Variants in ARSG observed in about 807,000 individuals in gnomAD.
The protein encoded by ARSG is arylsulfatase G.
A neutral mutation model predicts 50.5 loss-of-function variants in ARSG; 37 were observed. The ratio of observed to expected loss-of-function variants is 0.73; its 90% CI spans 0.56 to 0.96. ARSG has a LOEUF of 0.96. ARSG is among the 50% of genes least tolerant of loss of function. The pLI is 0.00. For synonymous variants in ARSG, 225 were observed against 254.6 expected (o/e 0.88, Z 1.11); for missense variants, 629 against 675.3 (o/e 0.93, Z 0.76).
At chr17:68,445,857 G>A in the ARSG span, among the ~76,000 whole-genome samples, 1 of 152,224 alleles carries the variant, frequency 6.6e-6, no homozygotes, top group South Asian at 2.1e-4. Flanking sequence ...TCAGGCCAGT[G>A]TTTCTTAGAC....
At chr17:68,280,919 G>C (rs1449015818) in intron 1 of ARSG, among the ~76,000 whole-genome samples, 2 of 152,064 alleles carry the variant, frequency 1.3e-5, no homozygotes, top group Non-Finnish European at 1.5e-5. Flanking sequence ...GAGCTAAGGC[G>C]TTTGAGACCA....
chr17:68,303,583 G>A (rs782194538), intron 1 of ARSG, among the ~76,000 whole-genome samples: 3 of 152,106 alleles, frequency 2.0e-5, no homozygotes, highest in Non-Finnish European at 4.4e-5. Flanking sequence ...CAAGCAGCTG[G>A]GACTACAGGT....
rs1434211828 is a variant in ARSG, at chr17:68,307,079, C to T, written c.-415C>T. ...GTCACCAGATGGAGTCCCAAACAGC[C>T]AAGCAGATGTAAGGCCTGTGCTGTG... On this transcript the variant is annotated 5_prime_UTR_variant, in exon 2 of 12. Transcript: ENST00000621439. The T allele has an allele frequency of 1.2e-5, 2 of 165,306 alleles. No individual in the cohort carries two copies. The highest frequency in any genetic ancestry group is 4.8e-5 in the African/African-American group (2 of 41,636). The allele number at this position is 165,306 out of a possible 1,614,324, so 10.2% of individuals were successfully genotyped here.
At chr17:68,436,334 C>T in the ARSG span, 1 of 1,571,190 alleles carries the variant, frequency 6.4e-7, no homozygotes, top group Non-Finnish European at 8.8e-7. Context: ...TCCATGACCA[C>T]ACAGCCAAGG....
chr17:68,441,888 C>G, the ARSG span, among the ~76,000 whole-genome samples: 2 of 152,212 alleles, frequency 1.3e-5, no homozygotes, highest in Non-Finnish European at 2.9e-5. Flanking sequence ...TAAAAAGACA[C>G]AGTTTGCTCC....
At chr17:68,303,640 G>A (rs1278857632) in intron 1 of ARSG, among the ~76,000 whole-genome samples, 1 of 151,666 alleles carries the variant, frequency 6.6e-6, no homozygotes, top group African/African-American at 2.4e-5. Context: ...AGTAGAGATG[G>A]GGCTTCACCA....
At chr17:68,427,310 A>G, downstream of ARSG, 2 of 1,315,010 alleles carry the variant, frequency 1.5e-6, no homozygotes, top group Non-Finnish European at 2.2e-6. Flanking sequence ...TATATCTAGG[A>G]CACCTTCCAA....
At chr17:68,413,082 C>T (rs1343057105) in intron 11 of ARSG, among the ~76,000 whole-genome samples, 2 of 151,954 alleles carry the variant, frequency 1.3e-5, no homozygotes, top group Non-Finnish European at 2.9e-5. Context: ...TCCCATAGCT[C>T]AGAGTAATTT....
chr17:68,353,333 A>G (rs145805678), intron 5 of ARSG, among the ~76,000 whole-genome samples: 87 of 152,158 alleles, frequency 5.7e-4, no homozygotes, highest in African/African-American at 1.6e-3. Context: ...TGCCCTTCCT[A>G]TCTTTGCTAC....
In ARSG at chr17:68,420,416, C is replaced by T. The variant is rs748814999; in HGVS notation, c.1531C>T (p.Pro511Ser). 6.2e-7 allele frequency: 1 copy of T among 1,614,226 alleles called. No homozygotes were observed. The highest frequency in any genetic ancestry group is 1.7e-5 in the Admixed American group (1 of 60,024). ...ADYTQDPSVTPCCNPYQIACR... is the reference protein window; with the variant it reads ...ADYTQDPSVTSCCNPYQIACR... ...TTACACTCAGGACCCTTCAGTAACT[C>T]CCTGCTGTAATCCCTACCAAATTGC... The change falls in exon 12 of 12, where the codon CCC (proline) becomes TCC (serine). Residue 511 changes from proline (P) to serine (S), a missense_variant. Coordinates refer to ENST00000621439, the MANE Select transcript of ARSG (RefSeq NM_001267727.2).
At chr17:68,334,684 C>T (rs1264118210) in intron 2 of ARSG, among the ~76,000 whole-genome samples, 1 of 151,992 alleles carries the variant, frequency 6.6e-6, no homozygotes, top group Non-Finnish European at 1.5e-5. Context: ...TGGCCTTGCT[C>T]CTATGGCGGA....
intron 8 of ARSG, among the ~76,000 whole-genome samples, chr17:68,372,475 C>T (rs760407185): frequency 2.0e-5 from 3 of 152,090 alleles, no homozygotes; most frequent in Admixed American, 6.5e-5. Context: ...TGGCAGAAGG[C>T]GAAGGGGAAG....
At chr17:68,430,098 T>C in the ARSG span, 8 of 1,614,000 alleles carry the variant, frequency 5.0e-6, no homozygotes. Context: ...AGGGAGGTAG[T>C]TGGTAGCAGC....
At chr17:68,329,543 G>C (rs1474648608) in intron 2 of ARSG, among the ~76,000 whole-genome samples, 1 of 152,178 alleles carries the variant, frequency 6.6e-6, no homozygotes, top group Non-Finnish European at 1.5e-5. Flanking sequence ...GGCTGCCCCA[G>C]GGGCTGAGAT....
In ARSG at chr17:68,420,457, C is replaced by T. The variant is rs1004941039; in HGVS notation, c.1572C>T (p.Ala524=). 5.6e-6 allele frequency: 9 copies of T among 1,607,848 alleles called. No homozygotes were observed. Among genetic ancestry groups the T allele is most frequent in the Middle Eastern group, 1.7e-4 (1 of 6,058 alleles). The part of the protein sequence containing the change: ...NPYQIACRCQ[A]A ...ACCAAATTGCCTGCCGCTGTCAAGC[C>T]GCATAACAGACCAATTTTTATTCCA... Residue 524 remains alanine (A), a synonymous_variant, in exon 12 of 12, where the codon GCC becomes GCT. Transcript: ENST00000621439.
chr17:68,314,584 G>T (rs1392828808), intron 2 of ARSG, among the ~76,000 whole-genome samples: 3 of 151,266 alleles, frequency 2.0e-5, no homozygotes, highest in African/African-American at 7.3e-5. Context: ...TTGCACATCT[G>T]TGGTCCCAGC....
rs140738314 is a variant in ARSG at position 68,263,551 on chromosome 17, C to T, written c.-552+4125C>T. Among the ~76,000 whole-genome samples the T allele has an allele frequency of 1.7e-3, 266 of 152,316 alleles. 2 individuals carry two copies. Among genetic ancestry groups the T allele is most frequent in the African/African-American group, 6.1e-3 (253 of 41,572 alleles). ...GTGATGCCATCTGGACTCACTGCAA[C>T]CTCTGCCTTCTGGGCTCAAGTGCTC... On this transcript the variant is annotated intron_variant, in intron 1 of 11. Coordinates refer to the ARSG transcript ENST00000448504.
chr17:68,394,476 A>C (rs1045944447), intron 9 of ARSG, among the ~76,000 whole-genome samples: 1 of 152,062 alleles, frequency 6.6e-6, no homozygotes, highest in African/African-American at 2.4e-5. Context: ...AATCAATAAA[A>C]CAACAAAGAA....
chr17:68,434,650 T>A, the ARSG span: 1 of 1,613,076 alleles, frequency 6.2e-7, no homozygotes, highest in Admixed American at 1.7e-5. Flanking sequence ...CAGGTGGACA[T>A]TTCATAACCA....
Sources: gnomAD v4.1 joint callset for allele counts (sites outside exome capture counted in the v4.1 genomes callset) on GRCh38, gnomAD v4.1.1 for gene constraint, MANE v1.5 for transcripts, NCBI Gene and HGNC (gene_info 2026-07-23, HGNC 2026-07-21) for gene names.